CACNA1B: variants seen among roughly 807,000 people sequenced by gnomAD.
CACNA1B encodes the protein voltage-dependent N-type calcium channel subunit alpha-1B.
In CACNA1B, 70 loss-of-function variants were observed where a neutral mutation model predicts 247.2. That is an observed-to-expected ratio of 0.28 (90% CI 0.23 to 0.35). The LOEUF (loss-of-function observed/expected upper bound fraction) is 0.35. Among genes scored for constraint, CACNA1B ranks in the 10% least tolerant of loss-of-function variants. CACNA1B has a pLI of 1.00. For synonymous variants in CACNA1B, 1,231 were observed against 1,294.4 expected, an observed-to-expected ratio of 0.95 and a Z score of 1.05; for missense variants, 2,367 against 3,197.4, an observed-to-expected ratio of 0.74 and a Z score of 6.26.
At position 138,083,237 on chromosome 9, in the gene CACNA1B, G is replaced by A. The variant is rs1036836874; in HGVS notation, c.5094+4979G>A. On this transcript the variant is annotated intron_variant, in intron 36 of 46. Transcript: ENST00000371372. ...AGTGTGACTTGCTCCTGGAGTAGCC[G>A]CAGCTTCCCTTTATCCTTGAGGCAA... Among the ~76,000 whole-genome samples the A allele has an allele frequency of 9.3e-5, 14 of 151,026 alleles. 2 individuals are homozygous for A. Among genetic ancestry groups the A allele is most frequent in the South Asian group, 2.1e-4 (1 of 4,800 alleles).
rs200628546 is a variant in CACNA1B at position 138,058,027 on chromosome 9, A to G, written c.4107-22A>G. The G allele has an allele frequency of 3.1e-5, 50 of 1,606,596 alleles. 2 individuals are homozygous for G. In the South Asian group the frequency reaches 5.1e-4, roughly 16 times the overall value. On this transcript the variant is annotated intron_variant, in intron 27 of 46. Transcript: ENST00000371372. The surrounding 1 kb of genome is among the most constrained non-coding windows in gnomAD (Gnocchi z 4.7). ...TGTCTCCTTTGGGGGTTCCCCTGAC[A>G]CTTGCTCTCCTCTTTGCCCAGGGTG...
At chr9:138,009,299 G>A (rs1292159227) in intron 16 of CACNA1B, among the ~76,000 whole-genome samples, 1 of 152,252 alleles carries the variant, frequency 6.6e-6, no homozygotes, top group African/African-American at 2.4e-5. Context: ...GCAAGGTGCA[G>A]TCCCAGGAAC....
intron 10 of CACNA1B, among the ~76,000 whole-genome samples, chr9:137,969,235 C>T (rs146331214): frequency 6.6e-6 from 1 of 152,238 alleles, no homozygotes. Flanking sequence ...AGTCCCCTGG[C>T]TCTGGCGCCT....
chr9:137,879,038 T>A lies in CACNA1B; in HGVS notation c.285-16T>A. On this transcript the variant is annotated splice_polypyrimidine_tract_variant and intron_variant, in intron 1 of 46. Coordinates refer to ENST00000371372, the MANE Select transcript of CACNA1B (RefSeq NM_000718.4). Reference sequence around the variant, plus strand: ...CCTCCGTGCGGCGTCTGCCGGCCAGTCCTTAACTCACGCACTCCATTCGAG... The same window carrying A: ...CCTCCGTGCGGCGTCTGCCGGCCAGACCTTAACTCACGCACTCCATTCGAG... 2 of 1,576,124 alleles carry A rather than the reference T, an allele frequency of 1.3e-6. No homozygotes were observed. Among genetic ancestry groups the A allele is most frequent in the Non-Finnish European group, 8.7e-7 (1 of 1,149,668 alleles).
At chr9:137,946,427 T>C (rs1957796736) in intron 6 of CACNA1B, among the ~76,000 whole-genome samples, 1 of 152,132 alleles carries the variant, frequency 6.6e-6, no homozygotes, top group South Asian at 2.1e-4. Context: ...GCCAATTGTG[T>C]CACACGTAGG....
rs73571803 is a variant in CACNA1B at position 138,035,718 on chromosome 9, A to G, written c.3287-8056A>G. On this transcript the variant is annotated intron_variant, in intron 20 of 46. Transcript: ENST00000371372. ...TTGTATTTTTGTTTTCTGTTTCACC[A>G]GTTTCTGTTCTTATTTATTATTTCC... Among the ~76,000 whole-genome samples the G allele has an allele frequency of 2.7e-3, 416 of 151,740 alleles. 3 individuals are homozygous for G. The highest frequency in any genetic ancestry group is 9.5e-3 in the African/African-American group (394 of 41,352).
chr9:138,086,187 C>T (rs1960687789), intron 36 of CACNA1B, among the ~76,000 whole-genome samples: 1 of 151,158 alleles, frequency 6.6e-6, no homozygotes, highest in Non-Finnish European at 1.5e-5. Context: ...AGTATATAAA[C>T]TGGCTGAATA....
chr9:137,951,657 T>G (rs554079162), intron 6 of CACNA1B, among the ~76,000 whole-genome samples: 5 of 152,230 alleles, frequency 3.3e-5, no homozygotes, highest in African/African-American at 7.2e-5. Context: ...CGCACCCTTT[T>G]GTGGGCTGTG....
chr9:138,025,281 A>G, intron 20 of CACNA1B, 109 bp downstream of exon 20: 1 of 703,806 alleles, frequency 1.4e-6, no homozygotes, highest in Non-Finnish European at 2.5e-6. Flanking sequence ...TACCTCTGTG[A>G]ATTGTTCTCC....
chr9:137,883,855 C>G (rs1329051262), intron 3 of CACNA1B, among the ~76,000 whole-genome samples: 1 of 151,450 alleles, frequency 6.6e-6, no homozygotes. Context: ...CTTCCAGAGC[C>G]CCATCCTCAC....
chr9:137,972,928 T>C (rs1958172590), intron 11 of CACNA1B, among the ~76,000 whole-genome samples: 1 of 152,162 alleles, frequency 6.6e-6, no homozygotes, highest in Admixed American at 6.5e-5. Context: ...CACAGGGTGG[T>C]ACCTCGGGAC....
rs1222516050 is a variant in CACNA1B at position 138,120,713 on chromosome 9, G to T, written c.6321G>T (p.Glu2107Asp). 20 of 1,531,204 alleles carry T rather than the reference G, an allele frequency of 1.3e-5. No homozygotes were observed. The highest frequency in any genetic ancestry group is 1.8e-5 in the Non-Finnish European group (20 of 1,142,332). 94.9% of individuals were successfully genotyped at this position (1,531,204 alleles called of 1,614,324 possible). ...GGCGGGAACGAGAGCGCCGGCAGGA[G>T]CGGGGCCGGTCCCAGGAGCGGAGGC... ...GCRRERERRQ[E>D]RGRSQERRQP... Residue 2107 changes from glutamate (E) to aspartate (D), a missense_variant, in exon 46 of 47, where the codon GAG becomes GAT. Coordinates refer to ENST00000371372, the MANE Select transcript of CACNA1B (RefSeq NM_000718.4).
At chr9:138,068,849 C>G (rs556749455) in intron 31 of CACNA1B, among the ~76,000 whole-genome samples, 2 of 152,372 alleles carry the variant, frequency 1.3e-5, no homozygotes, top group East Asian at 3.9e-4. Flanking sequence ...CAAAGAGGCC[C>G]TGGTGTAGGG....
At chr9:138,043,104 C>T (rs547736750) in intron 20 of CACNA1B, among the ~76,000 whole-genome samples, 3 of 152,150 alleles carry the variant, frequency 2.0e-5, no homozygotes, top group Non-Finnish European at 2.9e-5. Flanking sequence ...AACAAGGTGG[C>T]GGCCATATTA....
chr9:138,118,767 A>C lies in CACNA1B; in HGVS notation c.6029A>C (p.Gln2010Pro). ...ASMPRLAAET[Q>P]PVTDASPMKR... ...ATGCCCCGCCTTGCGGCCGAGACTC[A>C]GGTAGGTGGTCTGGGAGGGTCCAGG... The change falls in exon 44 of 47, where the codon CAG (glutamine) becomes CCG (proline). Residue 2010 changes from glutamine to proline, a missense_variant and splice_region_variant. Gln to Pro is a moderately conservative substitution (Grantham distance 76). This residue lies in a region of CACNA1B where 773 missense variants were observed against 779.4 expected (regional missense o/e 0.99). Transcript: ENST00000371372. 1.4e-6 allele frequency: 2 copies of C among 1,443,382 alleles called. No individual in the cohort carries two copies. Among genetic ancestry groups the C allele is most frequent in the Non-Finnish European group, 1.9e-6 (2 of 1,059,712 alleles). 89.4% of individuals were successfully genotyped at this position (1,443,382 alleles called of 1,614,324 possible).
intron 31 of CACNA1B, among the ~76,000 whole-genome samples, chr9:138,064,390 T>C (rs1157269322): frequency 6.6e-6 from 1 of 152,220 alleles, no homozygotes; most frequent in Non-Finnish European, 1.5e-5. Context: ...TCCTCTAAGC[T>C]GTGGACCCTG....
Position 138,014,505 on chromosome 9 carries a change from C to G in CACNA1B, c.2267+1270C>G, listed in dbSNP as rs1958766030. Among the ~76,000 whole-genome samples the G allele has an allele frequency of 1.3e-5, 2 of 152,150 alleles. No homozygotes were observed. Among genetic ancestry groups the G allele is most frequent in the African/African-American group, 4.8e-5 (2 of 41,418 alleles). On this transcript the variant is annotated intron_variant, in intron 18 of 46. Transcript: ENST00000371372. This position sits in a 1 kb window ranked among gnomAD's most constrained non-coding sequence, Gnocchi z 6.2. ...ATCACGCAGAAGACTGCTGGGGGCT[C>G]AGTCCTCAGTTGTTTAATTTCGATC...
chr9:138,031,102 CTTCTT>C (rs941985830), intron 20 of CACNA1B, among the ~76,000 whole-genome samples: 2 of 151,686 alleles, frequency 1.3e-5, no homozygotes, highest in African/African-American at 4.8e-5. Context: ...TTCTTTTGCT[CTTCTT>C]TTCTAGTTTC....
At chr9:138,055,582 T>C (rs1430258327) in intron 26 of CACNA1B, among the ~76,000 whole-genome samples, 1 of 152,190 alleles carries the variant, frequency 6.6e-6, no homozygotes, top group Non-Finnish European at 1.5e-5. Flanking sequence ...CACATTAAGA[T>C]CTGCAGTTTA....
Sources: gnomAD v4.1 joint callset for allele counts (sites outside exome capture counted in the v4.1 genomes callset) on GRCh38, gnomAD v4.1.1 for gene constraint, gnomAD v4.1.1 regional missense constraint, Gnocchi (gnomAD v3.1) non-coding constraint, MANE v1.5 for transcripts, NCBI Gene and HGNC (gene_info 2026-07-23, HGNC 2026-07-21) for gene names.